The following SLC12A8 variants were observed in gnomAD, a reference collection of about 807,000 sequenced individuals.
The protein encoded by SLC12A8 is solute carrier family 12 member 8.
In SLC12A8, 69 loss-of-function variants were observed where a neutral mutation model predicts 75.6. That is an observed-to-expected ratio of 0.91 (90% CI 0.75 to 1.11). SLC12A8 has a LOEUF of 1.11. SLC12A8 is among the 50% of genes most tolerant of loss of function. The pLI is 0.00. For missense variants in SLC12A8, 877 were observed against 896.7 expected, an observed-to-expected ratio of 0.98 and a Z score of 0.28; for synonymous variants, 365 against 372.8, an observed-to-expected ratio of 0.98 and a Z score of 0.24.
intron 6 of SLC12A8, among the ~76,000 whole-genome samples, chr3:125,129,132 C>T (rs1345505623): frequency 6.6e-6 from 1 of 152,180 alleles, no homozygotes; most frequent in Non-Finnish European, 1.5e-5. Flanking sequence ...TTGGCTGTGG[C>T]CAAAGAGGCC....
intron 8 of SLC12A8, among the ~76,000 whole-genome samples, chr3:125,111,674 G>A (rs1478210085): frequency 4.6e-5 from 7 of 152,090 alleles, no homozygotes; most frequent in Non-Finnish European, 8.8e-5. Flanking sequence ...GCAAAGCACC[G>A]GATTCGTGTC....
At chr3:125,091,182 A>T (rs538165129) in intron 12 of SLC12A8, among the ~76,000 whole-genome samples, 8 of 152,254 alleles carry the variant, frequency 5.3e-5, no homozygotes, top group African/African-American at 1.9e-4. Context: ...GTATACTTTC[A>T]CTTCACTGCT....
At chr3:125,176,982 C>T (rs889376817) in intron 5 of SLC12A8, among the ~76,000 whole-genome samples, 1 of 151,784 alleles carries the variant, frequency 6.6e-6, no homozygotes, top group African/African-American at 2.4e-5. Flanking sequence ...TGGGTATATA[C>T]CCAAAGGATT....
intron 4 of SLC12A8, among the ~76,000 whole-genome samples, chr3:125,181,604 T>C: frequency 1.4e-5 from 1 of 68,996 alleles, no homozygotes; most frequent in African/African-American, 5.0e-5. Flanking sequence ...CGAGACTCCG[T>C]CTCAAAAAAA....
intron 4 of SLC12A8, among the ~76,000 whole-genome samples, chr3:125,183,720 C>A (rs1404752752): frequency 6.6e-6 from 1 of 152,156 alleles, no homozygotes; most frequent in Admixed American, 6.5e-5. Context: ...CGTTCTTCCA[C>A]GTGTCAGCAC....
intron 9 of SLC12A8, 77 bp from the exon 10 acceptor site, chr3:125,108,203 A>C (rs1939090461): frequency 7.0e-7 from 1 of 1,433,920 alleles, no homozygotes; most frequent in East Asian, 2.3e-5. Flanking sequence ...GTTACAGGCT[A>C]GAAACACAAC....
intron 2 of SLC12A8, among the ~76,000 whole-genome samples, chr3:125,198,990 G>A (rs979099451): frequency 6.6e-6 from 1 of 152,002 alleles, no homozygotes; most frequent in Non-Finnish European, 1.5e-5. Context: ...GTGTTAGCCA[G>A]GATGGTCTCG....
intron 5 of SLC12A8, among the ~76,000 whole-genome samples, chr3:125,164,132 G>T (rs1194080928): frequency 6.6e-6 from 1 of 152,176 alleles, no homozygotes; most frequent in Non-Finnish European, 1.5e-5. Flanking sequence ...GAGACTGGCA[G>T]GTTCTCAGAC....
intron 10 of SLC12A8, among the ~76,000 whole-genome samples, chr3:125,106,056 A>G (rs986802391): frequency 6.6e-6 from 1 of 152,224 alleles, no homozygotes; most frequent in Non-Finnish European, 1.5e-5. Context: ...AAGAAGTAGC[A>G]ATGCAAATAC....
chr3:125,186,004 C>T (rs1389210137), intron 4 of SLC12A8, among the ~76,000 whole-genome samples: 1 of 152,228 alleles, frequency 6.6e-6, no homozygotes, highest in Non-Finnish European at 1.5e-5. Context: ...CTCAGCAGCA[C>T]AGATGCCTGT....
At chr3:125,110,113 C>A in intron 9 of SLC12A8, 76 bp downstream of exon 9, 2 of 1,466,528 alleles carry the variant, frequency 1.4e-6, no homozygotes, top group South Asian at 2.6e-5. Flanking sequence ...AAAAGCTTAA[C>A]CAATTGATGG....
chr3:125,097,911 A>G (rs559541250), intron 10 of SLC12A8, among the ~76,000 whole-genome samples: 1 of 152,256 alleles, frequency 6.6e-6, no homozygotes, highest in South Asian at 2.1e-4. Flanking sequence ...TCAAGCCTCT[A>G]CTCATAAAAC....
chr3:125,186,835 A>G (rs1579533507), intron 4 of SLC12A8, among the ~76,000 whole-genome samples: 1 of 152,370 alleles, frequency 6.6e-6, no homozygotes, highest in Middle Eastern at 3.4e-3. Flanking sequence ...TGCTTCTAGG[A>G]AAGCCCTTTG....
chr3:125,101,907 T>C (rs540515792), intron 10 of SLC12A8, among the ~76,000 whole-genome samples: 1 of 152,226 alleles, frequency 6.6e-6, no homozygotes, highest in African/African-American at 2.4e-5. Context: ...TGCTACATTA[T>C]GTGTACTGTA....
chr3:125,167,337 G>C (rs1934311472), intron 5 of SLC12A8, among the ~76,000 whole-genome samples: 1 of 152,066 alleles, frequency 6.6e-6, no homozygotes, highest in Non-Finnish European at 1.5e-5. Flanking sequence ...GTAGAGATGG[G>C]GTTTCACCAT....
At chr3:125,206,299 G>C (rs528035208) in intron 2 of SLC12A8, among the ~76,000 whole-genome samples, 2 of 152,214 alleles carry the variant, frequency 1.3e-5, no homozygotes, top group Non-Finnish European at 1.5e-5. Flanking sequence ...TCTGGGGCCA[G>C]TAGCCTTGCT....
intron 4 of SLC12A8, among the ~76,000 whole-genome samples, chr3:125,183,433 T>C (rs1316217868): frequency 1.3e-5 from 2 of 152,056 alleles, no homozygotes; most frequent in African/African-American, 4.8e-5. Flanking sequence ...ATGCTTCCAT[T>C]CCAAGGTAAT....
chr3:125,110,517 C>T (rs1939161237), intron 8 of SLC12A8, 182 bp from the exon 9 acceptor site: 2 of 527,870 alleles, frequency 3.8e-6, no homozygotes, highest in Admixed American at 3.2e-5. Flanking sequence ...TCAGCTGAAT[C>T]CACCACCACA....
intron 4 of SLC12A8, among the ~76,000 whole-genome samples, chr3:125,180,029 G>T (rs1193026428): frequency 6.6e-6 from 1 of 150,746 alleles, no homozygotes; most frequent in Non-Finnish European, 1.5e-5. Flanking sequence ...CTTCCAAACT[G>T]TTTTTTTTTT....
Sources: allele counts gnomAD v4.1 joint callset (sites outside exome capture counted in the v4.1 genomes callset), GRCh38; gene constraint gnomAD v4.1.1; transcripts MANE v1.5; gene names NCBI Gene and HGNC (gene_info 2026-07-23, HGNC 2026-07-21).